Variants in BMP8A observed in about 807,000 individuals in gnomAD.
BMP8A encodes the protein BMP-8A.
Under a neutral mutation model 36.8 loss-of-function variants are expected in BMP8A, and 14 were observed. The observed-to-expected ratio is 0.38, with a 90% CI of 0.25 to 0.60. BMP8A has a LOEUF of 0.60. Among genes scored for constraint, BMP8A ranks in the 20% least tolerant of loss-of-function variants. BMP8A has a pLI of 0.63. For missense variants in BMP8A, 267 were observed against 551.1 expected (o/e 0.48, Z 5.16); for synonymous variants, 120 against 237.7 (o/e 0.50, Z 4.55).
At chr1:39,508,578 C>T (rs1645323464) in intron 1 of BMP8A, among the ~76,000 whole-genome samples, 1 of 152,232 alleles carries the variant, frequency 6.6e-6, no homozygotes, top group African/African-American at 2.4e-5. Context: ...TCAATGCTCT[C>T]TTAGCAGCTA....
In BMP8A at chr1:39,525,658, A is replaced by T. The variant is rs753896862; in HGVS notation, c.1069A>T (p.Met357Leu). 1 of 1,613,946 alleles carries T rather than the reference A, an allele frequency of 6.2e-7. No individual in the cohort carries two copies. Among genetic ancestry groups the T allele is most frequent in the Non-Finnish European group, 8.5e-7 (1 of 1,179,978 alleles). Residue 357 changes from methionine (M) to leucine (L), a missense_variant, in exon 7 of 7, where the codon ATG (methionine) becomes TTG (leucine). Met to Leu is a conservative substitution (Grantham distance 15). Around this residue, in one of 7 missense-constraint regions of BMP8A, gnomAD observed 132 missense variants for 151.3 expected, o/e 0.87. Transcript: ENST00000331593. ...CTCCCTTCCTGGCCAGGTGCACCTG[A>T]TGAAGCCAAACGCAGTCCCCAAGGC... ...HAILQSLVHL[M>L]KPNAVPKACC...
In BMP8A at chr1:39,525,826, AC is replaced by A. The variant is rs749241246; in HGVS notation, c.*31del. ...CAGCCCGCCCAGCCCTACTGCAGCCACCCTTCTCATCTGGATCGGGCCCTGC... is the reference window on the plus strand; with the variant it reads ...CAGCCCGCCCAGCCCTACTGCAGCCACCTTCTCATCTGGATCGGGCCCTGC... On this transcript the variant is annotated 3_prime_UTR_variant, in exon 7 of 7. Coordinates refer to ENST00000331593, the MANE Select transcript of BMP8A (RefSeq NM_181809.4). 6.4e-5 allele frequency: 104 copies of A among 1,612,714 alleles called. No individual in the cohort carries two copies. Among genetic ancestry groups the A allele is most frequent in the Non-Finnish European group, 8.6e-5 (101 of 1,179,950 alleles).
intron 1 of BMP8A, among the ~76,000 whole-genome samples, chr1:39,502,558 C>T (rs1289095058): frequency 6.6e-6 from 1 of 152,120 alleles, no homozygotes; most frequent in African/African-American, 2.4e-5. Context: ...CAGGATGCAC[C>T]TAGAGCATCT....
At chr1:39,500,439 G>T (rs1053464591) in intron 1 of BMP8A, among the ~76,000 whole-genome samples, 1 of 152,188 alleles carries the variant, frequency 6.6e-6, no homozygotes, top group African/African-American at 2.4e-5. Flanking sequence ...TGAACATCCT[G>T]CAGTACACAG....
intron 1 of BMP8A, among the ~76,000 whole-genome samples, chr1:39,505,718 A>G (rs1645295094): frequency 6.6e-6 from 1 of 152,194 alleles, no homozygotes. Context: ...ATGGTGGCTC[A>G]TGCCTGTAAT....
intron 6 of BMP8A, 87 bp from the exon 7 acceptor site, chr1:39,525,562 G>C (rs555717925): frequency 1.9e-5 from 29 of 1,526,296 alleles, no homozygotes; most frequent in African/African-American, 4.1e-5. Flanking sequence ...CCAGGGCAGG[G>C]AGCAGGTGGA....
chr1:39,523,057 G>T lies in BMP8A; in HGVS notation c.999G>T (p.Glu333Asp). Residue 333 changes from glutamate (E) to aspartate (D), a missense_variant, in exon 6 of 7, where the codon GAG (glutamate) becomes GAT (aspartate). By Grantham distance (45) the Glu-to-Asp change is conservative. This residue lies in a region of BMP8A where 132 missense variants were observed against 151.3 expected (regional missense o/e 0.87). Coordinates refer to ENST00000331593, the MANE Select transcript of BMP8A (RefSeq NM_181809.4). ...ACTCAGCCTATTACTGTGAGGGGGA[G>T]TGCTCCTTCCCGCTGGACTCCTGCA... is the stretch of plus-strand genomic sequence containing the variant. ...QGYSAYYCEGECSFPLDSCMN... is the reference protein window; with the variant it reads ...QGYSAYYCEGDCSFPLDSCMN... 2 of 1,613,922 alleles carry T rather than the reference G, an allele frequency of 1.2e-6. No homozygotes were observed. The highest frequency in any genetic ancestry group is 1.7e-6 in the Non-Finnish European group (2 of 1,179,898).
At chr1:39,508,922 G>C (rs1390456676) in intron 1 of BMP8A, among the ~76,000 whole-genome samples, 1 of 152,192 alleles carries the variant, frequency 6.6e-6, no homozygotes, top group Non-Finnish European at 1.5e-5. Flanking sequence ...GATTTCACAA[G>C]CCCACAGCGC....
At position 39,501,110 on chromosome 1, in the gene BMP8A, A is replaced by G. The variant is rs550893408; in HGVS notation, c.334+8785A>G. On this transcript the variant is annotated intron_variant, in intron 1 of 6. Coordinates refer to ENST00000331593, the MANE Select transcript of BMP8A (RefSeq NM_181809.4). The stretch of plus-strand genomic sequence containing the variant: ...AGCATGTGGTGAGAGGAAGCAAGAG[A>G]GCAAGCCAGACTTTTTAACAGCCTC... Among the ~76,000 whole-genome samples the G allele has an allele frequency of 9.9e-5, 15 of 152,280 alleles. No individual in the cohort carries two copies. The East Asian group carries it at 2.3e-3, about 23-fold the overall frequency.
chr1:39,505,986 C>CA lies in BMP8A; in HGVS notation c.335-5168dup, dbSNP rs34923451. On this transcript the variant is annotated intron_variant, in intron 1 of 6. Coordinates refer to ENST00000331593, the MANE Select transcript of BMP8A (RefSeq NM_181809.4). ...GGGTGACAGAGCAAGACCCTGTCTC[C>CA]AAAAAAAAAAAAAAAAAAAAGTGTC... is the stretch of plus-strand genomic sequence containing the variant. 5.9e-3 allele frequency among the ~76,000 whole-genome samples: 786 copies of CA among 133,116 alleles called. 18 individuals are homozygous for CA. The highest frequency in any genetic ancestry group is 0.02 in the African/African-American group (713 of 35,754). 87.3% of individuals were successfully genotyped at this position (133,116 alleles called of 152,430 possible).
At chr1:39,518,052 G>C (rs544560661) in intron 3 of BMP8A, among the ~76,000 whole-genome samples, 25 of 152,092 alleles carry the variant, frequency 1.6e-4, no homozygotes, top group African/African-American at 5.8e-4. Flanking sequence ...AGGCTGCGAG[G>C]CATTTCCTCC....
At chr1:39,506,300 C>T (rs1400480027) in intron 1 of BMP8A, among the ~76,000 whole-genome samples, 1 of 152,206 alleles carries the variant, frequency 6.6e-6, no homozygotes, top group East Asian at 1.9e-4. Context: ...ACCTCTGCCT[C>T]CCAGGTTCAA....
chr1:39,495,772 G>T (rs2124308436), intron 1 of BMP8A, among the ~76,000 whole-genome samples: 1 of 149,902 alleles, frequency 6.7e-6, no homozygotes, highest in East Asian at 2.0e-4. Context: ...AGGATGGCAG[G>T]AAGGACCACC....
In BMP8A at chr1:39,526,611, G is replaced by T. The variant is rs1369827223; in HGVS notation, c.*813G>T. 6.6e-6 allele frequency among the ~76,000 whole-genome samples: 1 copy of T among 152,144 alleles called. No individual in the cohort carries two copies. Among genetic ancestry groups the T allele is most frequent in the Non-Finnish European group, 1.5e-5 (1 of 68,020 alleles). ...GCCCGGCCTCCCAAAGTGTTGGGAT[G>T]ACAGGCATGAGCCACCGTGCCTGGC... On this transcript the variant is annotated 3_prime_UTR_variant, in exon 7 of 7. Transcript: ENST00000331593.
chr1:39,498,732 C>T (rs1470949262), intron 1 of BMP8A, among the ~76,000 whole-genome samples: 2 of 152,076 alleles, frequency 1.3e-5, no homozygotes, highest in Admixed American at 1.3e-4. Flanking sequence ...TGAAGTGCCC[C>T]TGCCCCACCG....
At chr1:39,515,656 T>C in intron 3 of BMP8A, 1 of 1,573,354 alleles carries the variant, frequency 6.4e-7, no homozygotes, top group Non-Finnish European at 8.7e-7. Flanking sequence ...AACGTGCCCA[T>C]GTGCAAAGCT....
chr1:39,505,423 C>T (rs749455661), intron 1 of BMP8A, among the ~76,000 whole-genome samples: 7 of 152,188 alleles, frequency 4.6e-5, no homozygotes, highest in Non-Finnish European at 7.3e-5. Context: ...TGAGTCAATA[C>T]AGTACATGTT....
intron 6 of BMP8A, chr1:39,523,828 T>C: frequency 2.9e-6 from 2 of 696,086 alleles, no homozygotes; most frequent in Non-Finnish European, 4.1e-6. Flanking sequence ...GTTCCTGGTA[T>C]TGCACAGCCT....
At chr1:39,519,361 C>T (rs546635018) in intron 3 of BMP8A, among the ~76,000 whole-genome samples, 1 of 140,936 alleles carries the variant, frequency 7.1e-6, no homozygotes, top group Non-Finnish European at 1.6e-5. Flanking sequence ...TGTGACCTCA[C>T]TTGTCTTTTC....
Sources: gnomAD v4.1 joint callset for allele counts (sites outside exome capture counted in the v4.1 genomes callset) on GRCh38, gnomAD v4.1.1 for gene constraint, gnomAD v4.1.1 regional missense constraint, MANE v1.5 for transcripts, NCBI Gene and HGNC (gene_info 2026-07-23, HGNC 2026-07-21) for gene names.